The following SPAG16 variants were observed in gnomAD, a reference collection of about 807,000 sequenced individuals.
SPAG16 encodes sperm associated antigen 16.
SPAG16 carries 86 observed loss-of-function variants against 80.4 expected under a neutral mutation model. The ratio of observed to expected loss-of-function variants is 1.07; its 90% CI spans 0.90 to 1.28. The LOEUF is 1.28. Ranked by LOEUF, SPAG16 falls within the 50% of genes most tolerant of loss-of-function variation. The pLI is 0.00. For synonymous variants in SPAG16, 294 were observed against 265.9 expected (o/e 1.11, Z -1.03); for missense variants, 870 against 765.3 (o/e 1.14, Z -1.61).
intron 12 of SPAG16, among the ~76,000 whole-genome samples, chr2:213,981,074 C>T (rs769715217): frequency 6.6e-6 from 1 of 152,052 alleles, no homozygotes; most frequent in African/African-American, 2.4e-5. Flanking sequence ...GATCAAGATG[C>T]CAGCTGACTC....
intron 11 of SPAG16, among the ~76,000 whole-genome samples, chr2:213,901,898 T>C (rs956024484): frequency 6.6e-6 from 1 of 152,236 alleles, no homozygotes; most frequent in African/African-American, 2.4e-5. Flanking sequence ...TCTTGTCCTA[T>C]AGAACCATGT....
chr2:214,380,392 C>T (rs1373717875), intron 15 of SPAG16, among the ~76,000 whole-genome samples: 1 of 152,198 alleles, frequency 6.6e-6, no homozygotes, highest in East Asian at 1.9e-4. Flanking sequence ...TTGAACTCTA[C>T]TGAAATTACA....
At chr2:213,777,199 C>G (rs1288319288) in intron 10 of SPAG16, among the ~76,000 whole-genome samples, 2 of 144,942 alleles carry the variant, frequency 1.4e-5, no homozygotes, top group Non-Finnish European at 3.0e-5. Flanking sequence ...AACCCCAAAT[C>G]TTCTGGTCAT....
At chr2:214,356,638 C>A (rs533621066) in intron 15 of SPAG16, among the ~76,000 whole-genome samples, 1 of 151,876 alleles carries the variant, frequency 6.6e-6, no homozygotes, top group Admixed American at 6.6e-5. Flanking sequence ...AGCAGTTACT[C>A]TAGAAATTTC....
At chr2:213,667,933 C>CTATTTATTTATTTATTTATT (rs368610907) in intron 10 of SPAG16, among the ~76,000 whole-genome samples, 163 of 150,600 alleles carry the variant, frequency 1.1e-3, no homozygotes, top group African/African-American at 3.5e-3. Context: ...AAAAATTCTA[C>CTATTTATTTATTTATTTATT]TATTTATTTA....
chr2:213,906,241 A>G (rs1282233083), intron 11 of SPAG16, among the ~76,000 whole-genome samples: 2 of 151,990 alleles, frequency 1.3e-5, no homozygotes, highest in Non-Finnish European at 2.9e-5. Flanking sequence ...AAAAGAAATC[A>G]CGAAAGCAAT....
intron 5 of SPAG16, 55 bp downstream of exon 5, chr2:213,317,411 A>C (rs747050433): frequency 2.6e-6 from 4 of 1,546,286 alleles, no homozygotes; most frequent in Admixed American, 1.9e-5. Flanking sequence ...TAAATAAAAG[A>C]GTTGAGTGAA....
intron 9 of SPAG16, among the ~76,000 whole-genome samples, chr2:213,407,909 A>T: frequency 7.8e-6 from 1 of 127,782 alleles, no homozygotes; most frequent in South Asian, 2.6e-4. Context: ...GGAGAGAGGC[A>T]GAGAGAGAGA....
At chr2:214,190,082 C>T (rs1473494696) in intron 15 of SPAG16, among the ~76,000 whole-genome samples, 1 of 151,944 alleles carries the variant, frequency 6.6e-6, no homozygotes, top group African/African-American at 2.4e-5. Context: ...CTCTTTTTAC[C>T]TTGATGCATG....
At chr2:213,411,445 A>C (rs994063795) in intron 9 of SPAG16, among the ~76,000 whole-genome samples, 5 of 152,246 alleles carry the variant, frequency 3.3e-5, no homozygotes, top group African/African-American at 1.2e-4. Flanking sequence ...ATAGCTGAGC[A>C]ATTAGGGCCA....
At chr2:213,333,924 A>G (rs1367654658) in intron 5 of SPAG16, among the ~76,000 whole-genome samples, 3 of 152,184 alleles carry the variant, frequency 2.0e-5, no homozygotes, top group Non-Finnish European at 4.4e-5. Context: ...TTTCTTGAGT[A>G]ATACCCTACA....
rs2063150673 is a variant in SPAG16, at chr2:213,310,672, G to A, written c.398+495G>A. Reference sequence around the variant, plus strand: ...TTCTATGAATATTCTTCAGTTAGAAGTAAGTGGAATTGTATTTTGAATATC... The same window carrying A: ...TTCTATGAATATTCTTCAGTTAGAAATAAGTGGAATTGTATTTTGAATATC... On this transcript the variant is annotated intron_variant, in intron 4 of 15. Transcript: ENST00000331683. Among the ~76,000 whole-genome samples the A allele has an allele frequency of 2.0e-5, 3 of 151,660 alleles. No individual in the cohort carries two copies. The South Asian group carries it at 6.2e-4, about 31-fold the overall frequency.
intron 10 of SPAG16, among the ~76,000 whole-genome samples, chr2:213,720,511 G>A (rs1331747277): frequency 2.7e-5 from 4 of 150,016 alleles, no homozygotes; most frequent in Middle Eastern, 3.5e-3. Context: ...GGTGGTGGGC[G>A]CCTGGAGTTC....
At chr2:214,084,208 A>G (rs2125276295) in intron 13 of SPAG16, among the ~76,000 whole-genome samples, 1 of 152,196 alleles carries the variant, frequency 6.6e-6, no homozygotes, top group East Asian at 1.9e-4. Context: ...TCCCCTCTCT[A>G]AGACTTCATT....
At chr2:213,378,175 G>C (rs936270102) in intron 9 of SPAG16, among the ~76,000 whole-genome samples, 1 of 151,986 alleles carries the variant, frequency 6.6e-6, no homozygotes, top group Non-Finnish European at 1.5e-5. Flanking sequence ...GCTACACTAG[G>C]AGCTGATTAG....
chr2:213,488,298 C>G (rs1171315341), intron 9 of SPAG16, among the ~76,000 whole-genome samples: 2 of 152,082 alleles, frequency 1.3e-5, no homozygotes, highest in Non-Finnish European at 2.9e-5. Flanking sequence ...AAATTGCACA[C>G]AGTACTACAT....
chr2:214,084,114 T>C (rs1248032979), intron 13 of SPAG16, among the ~76,000 whole-genome samples: 1 of 152,158 alleles, frequency 6.6e-6, no homozygotes, highest in Non-Finnish European at 1.5e-5. Flanking sequence ...CCATCTTCTC[T>C]TCCTTTACAT....
chr2:214,072,381 A>G (rs937024083), intron 13 of SPAG16, among the ~76,000 whole-genome samples: 3 of 152,148 alleles, frequency 2.0e-5, no homozygotes, highest in African/African-American at 4.8e-5. Context: ...TTCTATTAAA[A>G]AATTGCTGGC....
At chr2:213,513,615 G>A (rs2075314643) in intron 10 of SPAG16, among the ~76,000 whole-genome samples, 1 of 152,158 alleles carries the variant, frequency 6.6e-6, no homozygotes, top group African/African-American at 2.4e-5. Context: ...GAATGGGATG[G>A]GAGTTTTATG....
Sources: allele counts gnomAD v4.1 joint callset (sites outside exome capture counted in the v4.1 genomes callset), GRCh38; gene constraint gnomAD v4.1.1; transcripts MANE v1.5; gene names NCBI Gene and HGNC (gene_info 2026-07-23, HGNC 2026-07-21).